The following BRDT variants were observed in gnomAD, a reference collection of about 807,000 sequenced individuals.
BRDT encodes the protein bromodomain testis associated, also known as bromodomain testis-specific protein.
A neutral mutation model predicts 113.9 loss-of-function variants in BRDT; 77 were observed. The observed-to-expected ratio is 0.68, with a 90% CI of 0.56 to 0.82. BRDT has a LOEUF of 0.82. Ranked by LOEUF, BRDT falls within the 40% of genes least tolerant of loss-of-function variation. The pLI is 0.00. For synonymous variants in BRDT, 358 were observed against 366.5 expected, an observed-to-expected ratio of 0.98 and a Z score of 0.26; for missense variants, 1,027 against 1,105.4, an observed-to-expected ratio of 0.93 and a Z score of 1.01.
At position 92,005,391 on chromosome 1, in the gene BRDT, A is replaced by G. The variant is rs1159556766; in HGVS notation, c.2775+92A>G. On this transcript the variant is annotated intron_variant, in intron 18 of 18. Coordinates refer to ENST00000399546, the MANE Select transcript of BRDT (RefSeq NM_207189.4). ...GTATGTTCAAGGATGCATTTGGGGTAATTTTTCAGTGACAGTGGACTTACC... is the reference window on the plus strand; with the variant it reads ...GTATGTTCAAGGATGCATTTGGGGTGATTTTTCAGTGACAGTGGACTTACC... 4.1e-6 allele frequency: 5 copies of G among 1,208,574 alleles called. No individual in the cohort carries two copies. The African/African-American group carries it at 7.9e-5, about 19-fold the overall frequency. The allele number at this position is 1,208,574 out of a possible 1,614,324, so 74.9% of individuals were successfully genotyped here.
At chr1:91,950,895 G>GCAC in intron 1 of BRDT, 1 of 151,884 alleles carries the variant, frequency 6.6e-6, no homozygotes, top group South Asian at 2.1e-4. Context: ...CATGGTGGTG[G>GCAC]GTGCCTGTAG....
At chr1:91,978,551 GC>G (rs1313797701) in intron 7 of BRDT, among the ~76,000 whole-genome samples, 1 of 152,120 alleles carries the variant, frequency 6.6e-6, no homozygotes, top group African/African-American at 2.4e-5. Flanking sequence ...TTATGAAGCT[GC>G]CCTGCATACA....
chr1:92,003,120 T>C (rs551046644), intron 16 of BRDT, among the ~76,000 whole-genome samples: 30 of 152,292 alleles, frequency 2.0e-4, no homozygotes, highest in African/African-American at 6.5e-4. Flanking sequence ...AAACAGGTTT[T>C]ATTGACAACT....
intron 7 of BRDT, among the ~76,000 whole-genome samples, chr1:91,979,012 A>C (rs1290758208): frequency 3.0e-5 from 1 of 33,182 alleles, no homozygotes; most frequent in East Asian, 5.1e-4. Flanking sequence ...AAAAAAAAAA[A>C]ACAACAACAA....
chr1:91,962,845 C>A lies in BRDT; in HGVS notation c.91C>A (p.Gln31Lys). ...NTKKNGRLTN[Q>K]LQYLQKVVLK... The stretch of plus-strand genomic sequence containing the variant: ...TAAGAAAAATGGGCGATTGACAAAT[C>A]AACTTCAGTATCTACAAAAAGTTGT... Residue 31 changes from glutamine to lysine, a missense_variant, in exon 2 of 19, where the codon CAA becomes AAA. By Grantham distance (53) the Gln-to-Lys change is moderately conservative (BLOSUM62 1). Transcript: ENST00000399546. The A allele has an allele frequency of 1.9e-6, 3 of 1,612,812 alleles. No individual in the cohort carries two copies. The highest frequency in any genetic ancestry group is 2.5e-6 in the Non-Finnish European group (3 of 1,179,598).
chr1:91,973,310 T>G (rs1394152799), intron 4 of BRDT, among the ~76,000 whole-genome samples: 1 of 152,156 alleles, frequency 6.6e-6, no homozygotes, highest in African/African-American at 2.4e-5. Context: ...TTTTTCCAAT[T>G]CTGTGAAGAA....
At chr1:91,970,354 G>A (rs1409743640) in intron 4 of BRDT, among the ~76,000 whole-genome samples, 2 of 152,114 alleles carry the variant, frequency 1.3e-5, no homozygotes, top group Admixed American at 1.3e-4. Flanking sequence ...GCAGCCTCAA[G>A]CTCCTGGGCT....
chr1:91,971,529 T>C (rs1053893508), intron 4 of BRDT, among the ~76,000 whole-genome samples: 1 of 152,226 alleles, frequency 6.6e-6, no homozygotes, highest in African/African-American at 2.4e-5. Context: ...TACGTACATG[T>C]TGATAATTTA....
At chr1:91,951,909 C>T (rs1473119751) in intron 1 of BRDT, among the ~76,000 whole-genome samples, 4 of 152,068 alleles carry the variant, frequency 2.6e-5, no homozygotes, top group Non-Finnish European at 4.4e-5. Flanking sequence ...ATTAGCCAGG[C>T]GCAGTGGCTC....
chr1:91,986,338 G>GAACAGCTTATC (rs1685238965), intron 12 of BRDT, among the ~76,000 whole-genome samples: 1 of 152,018 alleles, frequency 6.6e-6, no homozygotes, highest in Admixed American at 6.6e-5. Context: ...AAATCAAAAG[G>GAACAGCTTATC]AACAGCTTAT....
intron 1 of BRDT, among the ~76,000 whole-genome samples, chr1:91,955,594 T>C (rs1012928765): frequency 5.3e-5 from 8 of 152,216 alleles, no homozygotes; most frequent in African/African-American, 1.7e-4. Context: ...GACAGCTGTC[T>C]AGCATAGAAA....
At chr1:91,974,164 C>T (rs1163150766) in intron 4 of BRDT, among the ~76,000 whole-genome samples, 1 of 152,130 alleles carries the variant, frequency 6.6e-6, no homozygotes, top group Admixed American at 6.5e-5. Flanking sequence ...AAACGTTAGA[C>T]CTAAAACCAT....
intron 1 of BRDT, among the ~76,000 whole-genome samples, chr1:91,961,048 C>G (rs576256355): frequency 1.3e-5 from 2 of 152,292 alleles, no homozygotes; most frequent in African/African-American, 4.8e-5. Flanking sequence ...CAGTGGCTCA[C>G]GCCTGTAATC....
intron 12 of BRDT, among the ~76,000 whole-genome samples, chr1:91,983,371 TCTC>T (rs1392580907): frequency 2.0e-5 from 3 of 150,852 alleles, no homozygotes; most frequent in African/African-American, 7.3e-5. Flanking sequence ...TTCACGCCGT[TCTC>T]CTGCCTCAGC....
chr1:91,981,422 G>A lies in BRDT; in HGVS notation c.1864+41G>A, dbSNP rs754881329. 33 of 1,546,676 alleles carry A rather than the reference G, an allele frequency of 2.1e-5. No individual in the cohort carries two copies. The South Asian group carries it at 2.9e-4, about 14-fold the overall frequency. ...TGTTTGTTTGTATGTATGTATGTAT[G>A]TATGTAGAGACAGGGTCTTGTGATA... On this transcript the variant is annotated intron_variant, in intron 11 of 18. Coordinates refer to ENST00000399546, the MANE Select transcript of BRDT (RefSeq NM_207189.4).
At chr1:92,004,998 A>G in intron 17 of BRDT, 121 bp from the exon 18 acceptor site, 1 of 763,804 alleles carries the variant, frequency 1.3e-6, no homozygotes, top group Non-Finnish European at 1.9e-6. Flanking sequence ...AGCTTAAAAT[A>G]ATGTTATAAC....
At chr1:91,962,689 T>C in intron 1 of BRDT, 29 bp from the exon 2 acceptor site, 1 of 1,349,446 alleles carries the variant, frequency 7.4e-7, no homozygotes, top group Non-Finnish European at 1.0e-6. Flanking sequence ...CCTAAAGTGC[T>C]TCTGAAGTAC....
intron 18 of BRDT, among the ~76,000 whole-genome samples, chr1:92,013,057 A>G (rs908835048): frequency 6.6e-6 from 1 of 151,978 alleles, no homozygotes. Flanking sequence ...GTCTCTACTA[A>G]AAATGCAAAA....
rs1684333278 is a variant in BRDT, at chr1:91,978,157, CTTTAA to C, written c.970-6_970-2del. 1 of 1,605,182 alleles carries C rather than the reference CTTTAA, an allele frequency of 6.2e-7. No individual in the cohort carries two copies. The highest frequency in any genetic ancestry group is 8.5e-7 in the Non-Finnish European group (1 of 1,174,404). Reference sequence around the variant, plus strand: ...ACTATTTGTGAATCCTGTAGTTTTTCTTTAATTTAGGAGAAAATGGATAACCAAGA... The same window carrying C: ...ACTATTTGTGAATCCTGTAGTTTTTCTTTAGGAGAAAATGGATAACCAAGA... On this transcript the variant is annotated splice_polypyrimidine_tract_variant and splice_region_variant and intron_variant, in intron 6 of 18. Transcript: ENST00000399546.
Sources: gnomAD v4.1 joint callset for allele counts (sites outside exome capture counted in the v4.1 genomes callset) on GRCh38, gnomAD v4.1.1 for gene constraint, MANE v1.5 for transcripts, NCBI Gene and HGNC (gene_info 2026-07-23, HGNC 2026-07-21) for gene names.